CLIP4: variants seen among roughly 807,000 people sequenced by gnomAD.
CLIP4 encodes CAP-Gly domain containing linker protein family member 4, also known as CAP-Gly domain-containing linker protein 4.
In CLIP4, 47 loss-of-function variants were observed where a neutral mutation model predicts 73.1. The observed-to-expected ratio is 0.64, with a 90% CI of 0.51 to 0.82. The LOEUF (loss-of-function observed/expected upper bound fraction) is 0.82. Among genes scored for constraint, CLIP4 ranks in the 40% least tolerant of loss-of-function variants. The probability of loss-of-function intolerance (pLI) is 0.00; values close to 1 mark genes in which losing one functional copy is unlikely to be tolerated. For synonymous variants in CLIP4, 306 were observed against 295.4 expected, an observed-to-expected ratio of 1.04 and a Z score of -0.37; for missense variants, 874 against 852.9, an observed-to-expected ratio of 1.02 and a Z score of -0.31.
chr2:29,160,521 A>C lies in CLIP4; in HGVS notation c.1534+54A>C, dbSNP rs1394078145. On this transcript the variant is annotated intron_variant, in intron 12 of 15. Transcript: ENST00000320081. ...GAATTCTTTAGAGTACAAAAGGTTT[A>C]AAATTTTACATGTAAATAGAATTTA... 19 of 1,576,384 alleles carry C rather than the reference A, an allele frequency of 1.2e-5. No individual in the cohort carries two copies. The Middle Eastern group carries it at 5.1e-4, about 42-fold the overall frequency.
chr2:29,129,314 A>T (rs1171336570), intron 2 of CLIP4, among the ~76,000 whole-genome samples: 1 of 152,182 alleles, frequency 6.6e-6, no homozygotes, highest in African/African-American at 2.4e-5. Flanking sequence ...ATTGAAAATT[A>T]CCCAAGTCAC....
At chr2:29,111,805 T>A (rs1033635418), upstream of CLIP4, among the ~76,000 whole-genome samples, 1 of 151,894 alleles carries the variant, frequency 6.6e-6, no homozygotes. Flanking sequence ...GTCATACAAT[T>A]TTTTTTTGCT....
intron 1 of CLIP4, among the ~76,000 whole-genome samples, chr2:29,108,847 A>G (rs1668305931): frequency 6.6e-6 from 1 of 152,154 alleles, no homozygotes; most frequent in Non-Finnish European, 1.5e-5. Context: ...TCTAGGCTAA[A>G]TTTCCCCCAT....
At chr2:29,161,852 G>A (rs1297235227) in intron 12 of CLIP4, among the ~76,000 whole-genome samples, 3 of 152,146 alleles carry the variant, frequency 2.0e-5, no homozygotes, top group East Asian at 1.9e-4. Flanking sequence ...AGTCTAGAAC[G>A]AAAGTAGTCA....
chr2:29,113,757 G>A (rs1055944180), upstream of CLIP4, among the ~76,000 whole-genome samples: 5 of 152,212 alleles, frequency 3.3e-5, no homozygotes, highest in Non-Finnish European at 5.9e-5. This position sits in a 1 kb window ranked among gnomAD's most constrained non-coding sequence, Gnocchi z 4.0. Context: ...AGCAATAAAA[G>A]TGAACTGTAT....
intron 14 of CLIP4, among the ~76,000 whole-genome samples, chr2:29,168,554 T>A (rs1439092355): frequency 1.6e-5 from 2 of 128,142 alleles, no homozygotes; most frequent in African/African-American, 6.0e-5. Context: ...GACGAGTCTC[T>A]CTCTGTTGCC....
chr2:29,151,795 ATATCT>A (rs1666587705), intron 8 of CLIP4, among the ~76,000 whole-genome samples: 2 of 152,144 alleles, frequency 1.3e-5, no homozygotes, highest in South Asian at 4.2e-4. Flanking sequence ...CACTTTTTAA[ATATCT>A]TAGCCAGATT....
At chr2:29,128,123 G>A (rs1664731866) in intron 2 of CLIP4, among the ~76,000 whole-genome samples, 1 of 150,052 alleles carries the variant, frequency 6.7e-6, no homozygotes. Flanking sequence ...AATAAGCCTA[G>A]TTAGTTTCAC....
In CLIP4 at chr2:29,131,294, A is replaced by C; in HGVS notation, c.170A>C (p.Gln57Pro). 1 of 1,609,990 alleles carries C rather than the reference A, an allele frequency of 6.2e-7. No individual in the cohort carries two copies. The highest frequency in any genetic ancestry group is 8.5e-7 in the Non-Finnish European group (1 of 1,178,472). Residue 57 changes from glutamine to proline, a missense_variant, in exon 3 of 16, where the codon CAG (glutamine) becomes CCG (proline). By Grantham distance (76) the Gln-to-Pro change is moderately conservative (BLOSUM62 -1). Transcript: ENST00000320081. ...SFFDPNDASCQEILFDPKTSV... is the reference protein window; with the variant it reads ...SFFDPNDASCPEILFDPKTSV... ...TTTGATCCTAATGATGCATCATGCC[A>C]GGAAATTCTTTTTGATCCCAAAACT...
At chr2:29,107,623 C>G (rs1668265535) in intron 1 of CLIP4, among the ~76,000 whole-genome samples, 1 of 151,864 alleles carries the variant, frequency 6.6e-6, no homozygotes. Context: ...ATCCACCTGC[C>G]TCAACCTCCC....
At chr2:29,116,840 C>A (rs1181155950) in intron 1 of CLIP4, among the ~76,000 whole-genome samples, 1 of 152,170 alleles carries the variant, frequency 6.6e-6, no homozygotes, top group African/African-American at 2.4e-5. Context: ...GGATTCATTT[C>A]AGACATTTTG....
Position 29,181,710 on chromosome 2 carries a change from C to T in CLIP4, c.1935C>T (p.Pro645=). 1.2e-6 allele frequency: 2 copies of T among 1,614,154 alleles called. No individual in the cohort carries two copies. The highest frequency in any genetic ancestry group is 1.1e-5 in the South Asian group (1 of 91,084). The change falls in exon 16 of 16, where the codon CCC becomes CCT. Residue 645 remains proline (P), a synonymous_variant. Transcript: ENST00000320081. ...TGGGTACTGTTAGGTATGTGGGCCCCACTGACTTTGCTTCAGGTATCTGGC... is the reference window on the plus strand; with the variant it reads ...TGGGTACTGTTAGGTATGTGGGCCCTACTGACTTTGCTTCAGGTATCTGGC... ...NEMGTVRYVG[P]TDFASGIWLG... is the part of the protein sequence containing the mutation.
chr2:29,112,465 G>A (rs1297799330), upstream of CLIP4, among the ~76,000 whole-genome samples: 3 of 152,112 alleles, frequency 2.0e-5, no homozygotes, highest in Non-Finnish European at 2.9e-5. Flanking sequence ...GTTAATTCCT[G>A]GATATTATGC....
chr2:29,173,605 A>C (rs756096842), intron 14 of CLIP4, among the ~76,000 whole-genome samples: 1 of 152,178 alleles, frequency 6.6e-6, no homozygotes, highest in Non-Finnish European at 1.5e-5. Context: ...CCACTTTGAA[A>C]TTGTGCCTTT....
chr2:29,132,980 G>A (rs181809975), intron 4 of CLIP4, among the ~76,000 whole-genome samples: 246 of 152,234 alleles, frequency 1.6e-3, no homozygotes, highest in Non-Finnish European at 3.1e-3. Flanking sequence ...TTGAGGCCAG[G>A]AGTTTGAGAC....
At chr2:29,161,167 T>C (rs1014649166) in intron 12 of CLIP4, among the ~76,000 whole-genome samples, 10 of 152,174 alleles carry the variant, frequency 6.6e-5, no homozygotes, top group African/African-American at 2.4e-4. Flanking sequence ...AGAGATGGTA[T>C]TTCTCCATGT....
intron 1 of CLIP4, among the ~76,000 whole-genome samples, chr2:29,104,878 A>G (rs1369010176): frequency 2.6e-5 from 4 of 152,284 alleles, no homozygotes; most frequent in African/African-American, 9.6e-5. Flanking sequence ...GTGAGGCTGG[A>G]GAAACAGAAG....
chr2:29,150,981 A>G (rs1485849834), intron 8 of CLIP4, among the ~76,000 whole-genome samples: 1 of 152,160 alleles, frequency 6.6e-6, no homozygotes, highest in Admixed American at 6.6e-5. Flanking sequence ...TAATGTTATA[A>G]TGATATAGTG....
At chr2:29,166,530 G>GACAC (rs55833657) in intron 13 of CLIP4, among the ~76,000 whole-genome samples, 5,001 of 146,984 alleles carry the variant, frequency 0.034, 142 homozygotes, top group African/African-American at 0.083. Flanking sequence ...TACACACACA[G>GACAC]ACACACACAC....
Sources: allele counts gnomAD v4.1 joint callset (sites outside exome capture counted in the v4.1 genomes callset), GRCh38; gene constraint gnomAD v4.1.1; non-coding constraint Gnocchi (gnomAD v3.1); transcripts MANE v1.5; gene names NCBI Gene and HGNC (gene_info 2026-07-23, HGNC 2026-07-21).